PHF21B: variants seen among roughly 807,000 people sequenced by gnomAD.
PHF21B encodes PHD finger protein 21B, also known as PHD finger protein 4.
Under a neutral mutation model 62.2 loss-of-function variants are expected in PHF21B, and 22 were observed. The observed-to-expected ratio is 0.35, with a 90% CI of 0.25 to 0.51. The LOEUF is 0.51. Among genes scored for constraint, PHF21B ranks in the 20% least tolerant of loss-of-function variants. The pLI, the probability that PHF21B is intolerant of heterozygous loss-of-function variation, is 0.97. For synonymous variants in PHF21B, 341 were observed against 314.7 expected (o/e 1.08, Z -0.88); for missense variants, 701 against 707.9 (o/e 0.99, Z 0.11).
chr22:44,948,491 A>T (rs2072123736), intron 2 of PHF21B, among the ~76,000 whole-genome samples: 1 of 152,036 alleles, frequency 6.6e-6, no homozygotes, highest in Non-Finnish European at 1.5e-5. Context: ...AGACTAGCCT[A>T]GCCAACACGG....
chr22:44,983,547 G>T (rs556585089), intron 2 of PHF21B, among the ~76,000 whole-genome samples: 2 of 152,188 alleles, frequency 1.3e-5, no homozygotes, highest in African/African-American at 4.8e-5. Flanking sequence ...GCCCTGGGCC[G>T]TCGCAAACAC....
At chr22:44,998,551 T>A (rs2073159032) in intron 2 of PHF21B, among the ~76,000 whole-genome samples, 1 of 152,214 alleles carries the variant, frequency 6.6e-6, no homozygotes, top group East Asian at 1.9e-4. Flanking sequence ...CATCCTATGC[T>A]TTTAGCTTCA....
intron 2 of PHF21B, among the ~76,000 whole-genome samples, chr22:44,951,858 G>A (rs925127722): frequency 1.3e-5 from 2 of 152,156 alleles, no homozygotes; most frequent in Non-Finnish European, 2.9e-5. Context: ...TTAGCTTTGT[G>A]CATTTCCCAT....
intron 3 of PHF21B, among the ~76,000 whole-genome samples, chr22:44,920,037 A>C (rs1462699209): frequency 6.8e-6 from 1 of 147,962 alleles, no homozygotes; most frequent in Non-Finnish European, 1.5e-5. Context: ...CATAACCCAT[A>C]GTCAAAAATA....
chr22:44,928,084 T>C (rs987112980), intron 2 of PHF21B, among the ~76,000 whole-genome samples: 2 of 151,880 alleles, frequency 1.3e-5, no homozygotes, highest in African/African-American at 4.8e-5. Context: ...TCTGGAAAAA[T>C]CTGTCTTTAA....
chr22:44,985,946 C>T (rs116047802), intron 2 of PHF21B, among the ~76,000 whole-genome samples: 3 of 149,284 alleles, frequency 2.0e-5, no homozygotes, highest in Non-Finnish European at 4.5e-5. Flanking sequence ...CTACCATCAC[C>T]ATGATCACCA....
intron 10 of PHF21B, among the ~76,000 whole-genome samples, 185 bp downstream of exon 10, chr22:44,887,778 C>A (rs1020924548): frequency 4.8e-5 from 7 of 147,188 alleles, no homozygotes; most frequent in Non-Finnish European, 7.4e-5. Context: ...AAAAAAAAAT[C>A]CCATAATACA....
At chr22:44,890,047 T>C (rs1277683963) in intron 8 of PHF21B, among the ~76,000 whole-genome samples, 5 of 146,460 alleles carry the variant, frequency 3.4e-5, no homozygotes, top group African/African-American at 7.7e-5. Flanking sequence ...CAGGGCATGA[T>C]GGGAATATCA....
At chr22:44,947,671 C>T (rs888893615) in intron 2 of PHF21B, among the ~76,000 whole-genome samples, 4 of 152,326 alleles carry the variant, frequency 2.6e-5, no homozygotes, top group African/African-American at 7.2e-5. Context: ...ATTCTGCTTT[C>T]GTACCTGCTC....
At chr22:44,893,676 C>G (rs1294891745) in intron 6 of PHF21B, 143 bp from the exon 7 acceptor site, 3 of 804,492 alleles carry the variant, frequency 3.7e-6, no homozygotes, top group Non-Finnish European at 6.0e-6. Flanking sequence ...CAGAATGGCC[C>G]AGGGTGGGTT....
chr22:45,003,831 A>G (rs1336698666), intron 2 of PHF21B, among the ~76,000 whole-genome samples: 1 of 152,230 alleles, frequency 6.6e-6, no homozygotes, highest in East Asian at 1.9e-4. Context: ...TGAAGTGCTG[A>G]TACGTGCTAC....
intron 2 of PHF21B, among the ~76,000 whole-genome samples, chr22:44,946,894 T>C (rs2072084748): frequency 1.3e-5 from 2 of 152,106 alleles, no homozygotes; most frequent in African/African-American, 4.8e-5. Flanking sequence ...CACAGAAGGA[T>C]GGAGGGTAGC....
intron 2 of PHF21B, among the ~76,000 whole-genome samples, chr22:44,968,102 C>A (rs1296118377): frequency 6.6e-6 from 1 of 152,104 alleles, no homozygotes; most frequent in Non-Finnish European, 1.5e-5. Context: ...TACTTTACTT[C>A]CTTCCTTCCA....
At chr22:44,979,102 T>A (rs1225398395) in intron 2 of PHF21B, among the ~76,000 whole-genome samples, 1 of 152,222 alleles carries the variant, frequency 6.6e-6, no homozygotes, top group Non-Finnish European at 1.5e-5. Flanking sequence ...CTCAGGCAGC[T>A]CCAGCTGCAG....
intron 5 of PHF21B, among the ~76,000 whole-genome samples, chr22:44,913,169 G>C (rs1042643215): frequency 6.6e-5 from 10 of 152,186 alleles, no homozygotes; most frequent in Non-Finnish European, 1.3e-4. Context: ...GTGTGGGAGA[G>C]GTGGAGACAT....
At chr22:44,897,983 A>G (rs1439613254) in intron 5 of PHF21B, among the ~76,000 whole-genome samples, 1 of 151,948 alleles carries the variant, frequency 6.6e-6, no homozygotes, top group African/African-American at 2.4e-5. Flanking sequence ...TAATTTTTAA[A>G]TTTTTTGTAG....
At chr22:44,899,142 A>G (rs1481514456) in intron 5 of PHF21B, among the ~76,000 whole-genome samples, 1 of 152,204 alleles carries the variant, frequency 6.6e-6, no homozygotes, top group Non-Finnish European at 1.5e-5. Flanking sequence ...TTTAGAAACC[A>G]TCTTAGGAAG....
intron 2 of PHF21B, among the ~76,000 whole-genome samples, chr22:44,986,685 C>T (rs77591515): frequency 0.02 from 3,071 of 152,276 alleles, 97 homozygotes; most frequent in African/African-American, 0.069. Context: ...CATCTGTCCA[C>T]TGCAACAGTC....
intron 2 of PHF21B, among the ~76,000 whole-genome samples, chr22:44,949,113 C>G (rs1319925997): frequency 6.6e-6 from 1 of 152,056 alleles, no homozygotes; most frequent in African/African-American, 2.4e-5. Flanking sequence ...ACCAGCCTGA[C>G]CAACATGGAG....
Sources: allele counts gnomAD v4.1 joint callset (sites outside exome capture counted in the v4.1 genomes callset), GRCh38; gene constraint gnomAD v4.1.1; transcripts MANE v1.5; gene names NCBI Gene and HGNC (gene_info 2026-07-23, HGNC 2026-07-21).